The following REXO5 variants were observed in gnomAD, a reference collection of about 807,000 sequenced individuals.
REXO5 encodes exonuclease NEF-sp.
REXO5 carries 48 observed loss-of-function variants against 88.5 expected under a neutral mutation model. The observed-to-expected ratio is 0.54, with a 90% CI of 0.43 to 0.69. The LOEUF is 0.69. Among genes scored for constraint, REXO5 ranks in the 30% least tolerant of loss-of-function variants. The pLI, the probability that REXO5 is intolerant of heterozygous loss-of-function variation, is 0.00. For synonymous variants in REXO5, 311 were observed against 336.5 expected (o/e 0.92, Z 0.83); for missense variants, 749 against 912.2 (o/e 0.82, Z 2.30).
chr16:20,824,703 G>A (rs1331112531), intron 7 of REXO5, among the ~76,000 whole-genome samples, 176 bp downstream of exon 7: 2 of 152,178 alleles, frequency 1.3e-5, no homozygotes, highest in Non-Finnish European at 2.9e-5. Context: ...TGTATTCCAG[G>A]ATAAAGAATA....
intron 4 of REXO5, 27 bp downstream of exon 4, chr16:20,815,080 G>A (rs2081060925): frequency 6.3e-7 from 1 of 1,595,332 alleles, no homozygotes; most frequent in South Asian, 1.1e-5. Context: ...TTGTACTAGG[G>A]GCTGAGTCTG....
chr16:20,820,099 A>G (rs1230185199), intron 5 of REXO5, among the ~76,000 whole-genome samples: 1 of 152,158 alleles, frequency 6.6e-6, no homozygotes, highest in East Asian at 1.9e-4. Context: ...TTCTTAAAAC[A>G]CTGCTTTAAT....
rs770307551 is a variant in REXO5 at position 20,843,940 on chromosome 16, C to T, written c.1633C>T (p.Leu545Phe). 1 of 1,601,264 alleles carries T rather than the reference C, an allele frequency of 6.2e-7. No individual in the cohort carries two copies. Among genetic ancestry groups the T allele is most frequent in the Non-Finnish European group, 8.6e-7 (1 of 1,169,458 alleles). ...AATCTTGGTCTTTCTGCAGCCTCAT[C>T]TCTGTATACAGTATGAAGTCCTAGA... ...TFVLETRQPH[L>F]CIQYEVLEAA... Residue 545 changes from leucine (L) to phenylalanine (F), a missense_variant, in exon 16 of 20, where the codon CTC becomes TTC. Transcript: ENST00000261377.
At chr16:20,829,968 T>C (rs950014570) in intron 11 of REXO5, among the ~76,000 whole-genome samples, 2 of 152,234 alleles carry the variant, frequency 1.3e-5, no homozygotes, top group Admixed American at 6.5e-5. Flanking sequence ...AGAGCAGCCA[T>C]AGACATTATG....
intron 2 of REXO5, 47 bp downstream of exon 2, chr16:20,807,138 TC>T (rs1424452301): frequency 5.8e-6 from 9 of 1,555,670 alleles, no homozygotes; most frequent in Non-Finnish European, 7.8e-6. Flanking sequence ...GGTTTGGAGC[TC>T]CCGGACCCTC....
intron 2 of REXO5, among the ~76,000 whole-genome samples, chr16:20,809,315 A>G (rs986494357): frequency 5.9e-5 from 9 of 152,224 alleles, no homozygotes; most frequent in African/African-American, 2.2e-4. Flanking sequence ...TCAAAATTGG[A>G]AATTACCATG....
intron 5 of REXO5, chr16:20,821,009 A>G (rs1029845413): frequency 2.6e-5 from 4 of 152,162 alleles, no homozygotes; most frequent in Non-Finnish European, 4.4e-5. Flanking sequence ...GAGCCAGGTC[A>G]TACCCTTAAT....
intron 19 of REXO5, 32 bp from the exon 20 acceptor site, chr16:20,849,367 A>G (rs1436252692): frequency 6.3e-7 from 1 of 1,589,040 alleles, no homozygotes; most frequent in Admixed American, 1.7e-5. Flanking sequence ...CCTTATGGAT[A>G]AAAACATACC....
Position 20,832,273 on chromosome 16 carries a change from T to C in REXO5, c.1262+14T>C, listed in dbSNP as rs1479093514. On this transcript the variant is annotated intron_variant, in intron 12 of 19. Transcript: ENST00000261377. Reference sequence around the variant, plus strand: ...CCCAAACACAAGGTAATATTTTCAGTTTGAAACAAGAGCAAAGACAAATGG... The same window carrying C: ...CCCAAACACAAGGTAATATTTTCAGCTTGAAACAAGAGCAAAGACAAATGG... 7.1e-6 allele frequency: 11 copies of C among 1,553,146 alleles called. No homozygotes were observed. Among genetic ancestry groups the C allele is most frequent in the Non-Finnish European group, 9.7e-6 (11 of 1,131,290 alleles).
chr16:20,847,592 C>A (rs117288026), intron 19 of REXO5, among the ~76,000 whole-genome samples: 1 of 152,214 alleles, frequency 6.6e-6, no homozygotes, highest in East Asian at 1.9e-4. Context: ...ACCTACTGGG[C>A]ACCTTTGAAA....
intron 5 of REXO5, 134 bp downstream of exon 5, chr16:20,816,346 G>A (rs894519993): frequency 3.1e-6 from 2 of 655,016 alleles, no homozygotes; most frequent in Non-Finnish European, 5.1e-6. Context: ...TTTTGAAACG[G>A]GGGTCTCACT....
rs1364785959 is a variant in REXO5 at position 20,806,763 on chromosome 16, C to CGGAACG, written c.-3+61_-3+66dup. 13 of 1,062,612 alleles carry CGGAACG rather than the reference C, an allele frequency of 1.2e-5. No homozygotes were observed. In the South Asian group the frequency reaches 1.5e-4, roughly 12 times the overall value. 65.8% of individuals were successfully genotyped at this position (1,062,612 alleles called of 1,614,324 possible). ...TAGAGCGGCGCGGGTGTCCAGTCCG[C>CGGAACG]GGAACGGGGAGATCGTTGGCACCTT... is the stretch of plus-strand genomic sequence containing the variant. On this transcript the variant is annotated intron_variant, in intron 1 of 19. Transcript: ENST00000261377.
At chr16:20,845,381 T>TCC (rs3050142) in intron 18 of REXO5, 140 bp downstream of exon 18, 29 of 733,974 alleles carry the variant, frequency 4.0e-5, no homozygotes, top group Admixed American at 1.2e-4. Flanking sequence ...TGGCCACATC[T>TCC]TTTCTCGCAG....
chr16:20,829,649 AGT>A (rs765870736), intron 11 of REXO5, among the ~76,000 whole-genome samples: 2 of 152,220 alleles, frequency 1.3e-5, no homozygotes, highest in Non-Finnish European at 2.9e-5. Context: ...TGAGGTCTTA[AGT>A]GTACTGTTCT....
At chr16:20,818,245 T>A (rs1176974933) in intron 5 of REXO5, among the ~76,000 whole-genome samples, 1 of 152,246 alleles carries the variant, frequency 6.6e-6, no homozygotes, top group Non-Finnish European at 1.5e-5. Context: ...TTTATTTGTT[T>A]ATTATCCATA....
chr16:20,846,231 T>G lies in REXO5; in HGVS notation c.2135T>G (p.Leu712Arg). The change falls in exon 19 of 20, where the codon CTG (leucine) becomes CGG (arginine). Residue 712 changes from leucine to arginine, a missense_variant. Coordinates refer to ENST00000261377, the MANE Select transcript of REXO5 (RefSeq NM_030941.3). Reference protein sequence around the residue: ...FEQEALQTLKLDHPKIAAWRW... With the variant: ...FEQEALQTLKRDHPKIAAWRW... ...TGGCTTTGATCCCAGACTCTGAAAC[T>G]GGACCACCCGAAGATAGCAGCCTGG... 6.2e-7 allele frequency: 1 copy of G among 1,613,898 alleles called. No homozygotes were observed. Among genetic ancestry groups the G allele is most frequent in the Non-Finnish European group, 8.5e-7 (1 of 1,179,842 alleles).
chr16:20,825,263 C>A (rs2081243341), intron 7 of REXO5, among the ~76,000 whole-genome samples: 1 of 152,150 alleles, frequency 6.6e-6, no homozygotes, highest in Admixed American at 6.5e-5. Flanking sequence ...CCTCTCAGTA[C>A]TCAGGAAACA....
intron 5 of REXO5, among the ~76,000 whole-genome samples, chr16:20,820,154 G>C (rs1156387644): frequency 6.6e-6 from 1 of 151,998 alleles, no homozygotes; most frequent in Non-Finnish European, 1.5e-5. Flanking sequence ...TCCCCATTAC[G>C]TATTGAATGG....
intron 5 of REXO5, among the ~76,000 whole-genome samples, chr16:20,817,384 T>C (rs1035933184): frequency 1.3e-5 from 2 of 152,180 alleles, no homozygotes; most frequent in African/African-American, 4.8e-5. Flanking sequence ...AAGCATCACG[T>C]TGCAAAAGAA....
Sources: gnomAD v4.1 joint callset for allele counts (sites outside exome capture counted in the v4.1 genomes callset) on GRCh38, gnomAD v4.1.1 for gene constraint, MANE v1.5 for transcripts, NCBI Gene and HGNC (gene_info 2026-07-23, HGNC 2026-07-21) for gene names.